CUBN: variants seen among roughly 807,000 people sequenced by gnomAD.
CUBN encodes 460 kDa receptor.
In CUBN, 282 loss-of-function variants were observed where a neutral mutation model predicts 405.3. The observed-to-expected ratio is 0.70, with a 90% CI of 0.63 to 0.77. The LOEUF (loss-of-function observed/expected upper bound fraction) is 0.77, where lower values mean the gene tolerates loss of function less well. Ranked by LOEUF, CUBN falls within the 30% of genes least tolerant of loss-of-function variation. The pLI, the probability that CUBN is intolerant of heterozygous loss-of-function variation, is 0.00. For synonymous variants in CUBN, 1,684 were observed against 1,617.0 expected, an observed-to-expected ratio of 1.04 and a Z score of -0.99; for missense variants, 4,514 against 4,475.2, an observed-to-expected ratio of 1.01 and a Z score of -0.25.
Position 16,900,613 on chromosome 10 carries a change from C to T in CUBN, c.8410+12G>A. On this transcript the variant is annotated intron_variant, in intron 53 of 66. Transcript: ENST00000377833. Reference sequence around the variant, plus strand: ...TAAAAAGAAAATCAAATGGAGCAAACATTTCTTTTACCTAAAGTTTGTGTG... The same window carrying T: ...TAAAAAGAAAATCAAATGGAGCAAATATTTCTTTTACCTAAAGTTTGTGTG... The T allele has an allele frequency of 6.3e-7, 1 of 1,586,108 alleles. No homozygotes were observed. Among genetic ancestry groups the T allele is most frequent in the South Asian group, 1.1e-5 (1 of 90,534 alleles).
Position 16,913,805 on chromosome 10 carries a change from A to G in CUBN, c.7533+6T>C. 5 of 1,613,134 alleles carry G rather than the reference A, an allele frequency of 3.1e-6. No individual in the cohort carries two copies. The highest frequency in any genetic ancestry group is 4.2e-6 in the Non-Finnish European group (5 of 1,180,008). ...TATAACATCTCAGGCGGCAGGGAAC[A>G]CTTACTATCACATGCTCATTGTTGC... On this transcript the variant is annotated splice_donor_region_variant and intron_variant, in intron 48 of 66. Transcript: ENST00000377833.
chr10:16,852,268 C>A (rs566714649), intron 59 of CUBN, among the ~76,000 whole-genome samples: 2 of 137,186 alleles, frequency 1.5e-5, no homozygotes, highest in South Asian at 2.6e-4. Context: ...TCCCTCCCTC[C>A]CTCCATCTTT....
intron 22 of CUBN, among the ~76,000 whole-genome samples, chr10:17,057,347 G>C (rs1444937791): frequency 6.6e-6 from 1 of 152,088 alleles, no homozygotes; most frequent in Non-Finnish European, 1.5e-5. Flanking sequence ...GGTAACTTCT[G>C]GGTGTTGTCA....
In CUBN at chr10:16,913,886, C is replaced by T. The variant is rs778341560; in HGVS notation, c.7458G>A (p.Glu2486=). 3.1e-6 allele frequency: 5 copies of T among 1,614,098 alleles called. No homozygotes were observed. Among genetic ancestry groups the T allele is most frequent in the Non-Finnish European group, 2.5e-6 (3 of 1,180,034 alleles). The part of the protein sequence containing the change: ...RICEWRITAP[E]GRRITLMFNN... ...TAAACATTAGGGTGATCCGCCTTCCCTCCGGGGCAGTGATTCTCCACTCGC... is the reference window on the plus strand; with the variant it reads ...TAAACATTAGGGTGATCCGCCTTCCTTCCGGGGCAGTGATTCTCCACTCGC... The change falls in exon 48 of 67, where the codon GAG becomes GAA. Residue 2486 remains glutamate (E), a synonymous_variant. Coordinates refer to ENST00000377833, the MANE Select transcript of CUBN (RefSeq NM_001081.4).
chr10:17,068,177 T>C lies in CUBN; in HGVS notation c.2895A>G (p.Gln965=), dbSNP rs757024495. ...GINCTWHILV[Q]PNHLIHLMFE... is the part of the protein sequence containing the mutation. ...ACATTAAATGAATCAGGTGATTAGGTTGGACTAATATATGCCAAGTACAGT... is the reference window on the plus strand; with the variant it reads ...ACATTAAATGAATCAGGTGATTAGGCTGGACTAATATATGCCAAGTACAGT... The change falls in exon 21 of 67, where the codon CAA becomes CAG. Residue 965 remains glutamine, a synonymous_variant. Coordinates refer to ENST00000377833, the MANE Select transcript of CUBN (RefSeq NM_001081.4). The C allele has an allele frequency of 5.6e-6, 9 of 1,613,586 alleles. No homozygotes were observed. Among genetic ancestry groups the C allele is most frequent in the Non-Finnish European group, 7.6e-6 (9 of 1,179,678 alleles).
At chr10:17,064,325 T>G (rs1371987244) in intron 22 of CUBN, among the ~76,000 whole-genome samples, 2 of 152,098 alleles carry the variant, frequency 1.3e-5, no homozygotes, top group Non-Finnish European at 2.9e-5. Flanking sequence ...GAAGGAGAAA[T>G]AAATGGGAAA....
rs763900981 is a variant in CUBN, at chr10:16,903,927, T to C, written c.8062+39A>G. 2.9e-6 allele frequency: 4 copies of C among 1,393,664 alleles called. No individual in the cohort carries two copies. In the African/African-American group the frequency reaches 4.3e-5, roughly 15 times the overall value. The allele number at this position is 1,393,664 out of a possible 1,614,324, so 86.3% of individuals were successfully genotyped here. A position where few individuals can be genotyped will look rare whatever the true frequency, so the allele number is the denominator to read the frequency against. On this transcript the variant is annotated intron_variant, in intron 51 of 66. Coordinates refer to ENST00000377833, the MANE Select transcript of CUBN (RefSeq NM_001081.4). ...TTTATGGAAAAAAATCATTAATCTT[T>C]ATAAGTAATTTTATCAAGATCTTAA...
Position 17,114,065 on chromosome 10 carries a change from T to C in CUBN, c.845A>G (p.Asn282Ser). 6.2e-7 allele frequency: 1 copy of C among 1,613,128 alleles called. No individual in the cohort carries two copies. Among genetic ancestry groups the C allele is most frequent in the East Asian group, 2.2e-5 (1 of 44,840 alleles). Reference sequence around the variant, plus strand: ...CCCACAGTAGAAAGAGCCTTGAGTGTTGAAACACTGCACAAGTGTGGAGCA... The same window carrying C: ...CCCACAGTAGAAAGAGCCTTGAGTGCTGAAACACTGCACAAGTGTGGAGCA... ...GPCSTLVQCFNTQGSFYCGAC... is the reference protein window; with the variant it reads ...GPCSTLVQCFSTQGSFYCGAC... Residue 282 changes from asparagine (N) to serine (S), a missense_variant, in exon 8 of 67, where the codon AAC becomes AGC. By Grantham distance (46) the Asn-to-Ser change is conservative. Coordinates refer to ENST00000377833, the MANE Select transcript of CUBN (RefSeq NM_001081.4).
Position 16,835,012 on chromosome 10 carries a change from A to C in CUBN, c.10362+2T>G. ...TTCAAACGATATTCAAATGCATATC[A>C]CCTCCAAGAAATCGTTTCTGCATTC... On this transcript the variant is annotated splice_donor_variant, in intron 64 of 66. Transcript: ENST00000377833. LOFTEE classifies it high-confidence loss of function. 1 of 1,612,920 alleles carries C rather than the reference A, an allele frequency of 6.2e-7. No homozygotes were observed. The highest frequency in any genetic ancestry group is 8.5e-7 in the Non-Finnish European group (1 of 1,178,892).
At chr10:16,946,231 G>A (rs937015297) in intron 36 of CUBN, among the ~76,000 whole-genome samples, 4 of 152,148 alleles carry the variant, frequency 2.6e-5, no homozygotes, top group African/African-American at 9.7e-5. Context: ...CATTATCAGT[G>A]TGACGTGTCA....
chr10:17,044,959 TGG>T, intron 25 of CUBN, 46 bp downstream of exon 25: 1 of 1,546,438 alleles, frequency 6.5e-7, no homozygotes, highest in Non-Finnish European at 8.9e-7. Context: ...CATTGTGCGT[TGG>T]GTGAGATGGG....
At position 16,835,040 on chromosome 10, in the gene CUBN, C is replaced by G; in HGVS notation, c.10336G>C (p.Val3446Leu). 1.9e-6 allele frequency: 3 copies of G among 1,614,108 alleles called. No homozygotes were observed. Among genetic ancestry groups the G allele is most frequent in the Non-Finnish European group, 2.5e-6 (3 of 1,180,014 alleles). Residue 3446 changes from valine to leucine, a missense_variant, in exon 64 of 67, where the codon GTT (valine) becomes CTT (leucine). Val to Leu is a conservative substitution (Grantham distance 32). This residue lies in a region of CUBN where 1,186 missense variants were observed against 1,186.9 expected (regional missense o/e 1.00). Coordinates refer to ENST00000377833, the MANE Select transcript of CUBN (RefSeq NM_001081.4). Reference sequence around the variant, plus strand: ...TCCAAGAAATCGTTTCTGCATTCAACTGAGTTCTCGATGCCAAGTGAATGA... The same window carrying G: ...TCCAAGAAATCGTTTCTGCATTCAAGTGAGTTCTCGATGCCAAGTGAATGA... ...FFHSLGIENS[V>L]ECRNDFLEVR...
rs1488191124 is a variant in CUBN at position 17,088,348 on chromosome 10, A to C, written c.1766-3T>G. ...ACCAGTCAGGATACCTCCACACTCT[A>C]AAATAAGAGGGAAAAATAATGTTAC... is the stretch of plus-strand genomic sequence containing the variant. On this transcript the variant is annotated splice_polypyrimidine_tract_variant and splice_region_variant and intron_variant, in intron 14 of 66. Coordinates refer to ENST00000377833, the MANE Select transcript of CUBN (RefSeq NM_001081.4). 3.1e-6 allele frequency: 5 copies of C among 1,605,128 alleles called. No homozygotes were observed. The South Asian group carries it at 5.5e-5, about 18-fold the overall frequency.
intron 27 of CUBN, among the ~76,000 whole-genome samples, chr10:17,027,496 C>A (rs10795438): frequency 0.93 from 141,734 of 152,250 alleles, 66,014 homozygotes; most frequent in African/African-American, 0.96. Context: ...TAATGATATA[C>A]TTTAGGATTT....
chr10:16,855,507 G>A (rs1364188196), intron 59 of CUBN, among the ~76,000 whole-genome samples: 1 of 152,148 alleles, frequency 6.6e-6, no homozygotes, highest in Non-Finnish European at 1.5e-5. Flanking sequence ...GTGGATTCAT[G>A]TGGAGCAGAC....
intron 28 of CUBN, among the ~76,000 whole-genome samples, chr10:16,992,708 C>T (rs1833628825): frequency 6.6e-6 from 1 of 152,190 alleles, no homozygotes; most frequent in African/African-American, 2.4e-5. Flanking sequence ...TTCTCAGTCT[C>T]CTTTCACTTG....
chr10:16,880,482 C>A (rs977001596), intron 56 of CUBN, among the ~76,000 whole-genome samples: 6 of 152,202 alleles, frequency 3.9e-5, no homozygotes, highest in African/African-American at 1.4e-4. Context: ...AGTTGTGCAG[C>A]AATCAGCAAA....
Position 16,920,045 on chromosome 10 carries a change from A to G in CUBN, c.6739T>C (p.Cys2247Arg), listed in dbSNP as rs764514983. ...HPHNYPPHAD[C>R]IWILAAPPET... The stretch of plus-strand genomic sequence containing the variant: ...GGTGGAGCCGCTAAGATCCAAATGC[A>G]ATCAGCGTGCGGGGGATAATTATGA... Residue 2247 changes from cysteine (C) to arginine (R), a missense_variant, in exon 44 of 67, where the codon TGC (cysteine) becomes CGC (arginine). Transcript: ENST00000377833. The G allele has an allele frequency of 1.9e-6, 3 of 1,614,038 alleles. No individual in the cohort carries two copies. The highest frequency in any genetic ancestry group is 1.7e-4 in the Middle Eastern group (1 of 6,058).
chr10:17,003,297 T>C (rs1436778363), intron 28 of CUBN, among the ~76,000 whole-genome samples: 1 of 152,142 alleles, frequency 6.6e-6, no homozygotes, highest in Admixed American at 6.5e-5. Context: ...GAAGCGACAC[T>C]GTGAAAGCAA....
Sources: gnomAD v4.1 joint callset for allele counts (sites outside exome capture counted in the v4.1 genomes callset) on GRCh38, gnomAD v4.1.1 for gene constraint, gnomAD v4.1.1 regional missense constraint, MANE v1.5 for transcripts, NCBI Gene and HGNC (gene_info 2026-07-23, HGNC 2026-07-21) for gene names.